Variants in CNTNAP5 observed in about 807,000 individuals in gnomAD.
CNTNAP5 encodes contactin-associated protein-like 5.
CNTNAP5 carries 72 observed loss-of-function variants against 150.2 expected under a neutral mutation model. The observed-to-expected ratio is 0.48, with a 90% CI of 0.40 to 0.58. The LOEUF is 0.58. CNTNAP5 is among the 20% of genes least tolerant of loss of function. CNTNAP5 has a pLI of 0.00. For synonymous variants in CNTNAP5, 672 were observed against 619.8 expected (o/e 1.08, Z -1.25); for missense variants, 1,636 against 1,626.2 (o/e 1.01, Z -0.10).
In CNTNAP5 at chr2:124,131,174, A is replaced by C. The variant is rs553005203; in HGVS notation, c.83-90531A>C. ...CCTGATGAAATAGCTATGCAATCTT[A>C]AGTGCATTATTTAAAGCTGATGGAG... is the stretch of plus-strand genomic sequence containing the variant. On this transcript the variant is annotated intron_variant, in intron 1 of 23. Coordinates refer to ENST00000682447, the MANE Select transcript of CNTNAP5 (RefSeq NM_001367498.1). Among the ~76,000 whole-genome samples the C allele has an allele frequency of 2.0e-4, 31 of 152,280 alleles. 2 individuals are homozygous for C. In the South Asian group the frequency reaches 6.0e-3, roughly 30 times the overall value.
At chr2:124,896,231 A>G (rs2104753285) in intron 21 of CNTNAP5, among the ~76,000 whole-genome samples, 1 of 151,674 alleles carries the variant, frequency 6.6e-6, no homozygotes, top group Non-Finnish European at 1.5e-5. Context: ...AGTAAAGAAA[A>G]TATGTTTATC....
chr2:124,631,404 A>C (rs2105009619), intron 12 of CNTNAP5, among the ~76,000 whole-genome samples: 1 of 152,280 alleles, frequency 6.6e-6, no homozygotes, highest in South Asian at 2.1e-4. Context: ...AGAATAGAGA[A>C]TTCAGAAATG....
chr2:124,710,793 C>A (rs147296215), intron 13 of CNTNAP5, among the ~76,000 whole-genome samples: 301 of 152,268 alleles, frequency 2.0e-3, no homozygotes, highest in African/African-American at 6.9e-3. Context: ...ATGTCTTAAT[C>A]GTTATCCAGC....
chr2:124,335,934 G>A (rs1378113778), intron 3 of CNTNAP5, among the ~76,000 whole-genome samples: 2 of 151,948 alleles, frequency 1.3e-5, no homozygotes, highest in Non-Finnish European at 2.9e-5. Flanking sequence ...ATACAAGAAA[G>A]GACATACATA....
At chr2:124,866,340 G>A (rs894823400) in intron 20 of CNTNAP5, among the ~76,000 whole-genome samples, 1 of 152,144 alleles carries the variant, frequency 6.6e-6, no homozygotes, top group African/African-American at 2.4e-5. Context: ...ATGGAAGGGG[G>A]AAAGCAGCAG....
At chr2:124,844,411 A>G (rs566338775) in intron 19 of CNTNAP5, among the ~76,000 whole-genome samples, 18 of 152,032 alleles carry the variant, frequency 1.2e-4, no homozygotes. Context: ...TTTGGTGACT[A>G]TGGCCTAATA....
intron 2 of CNTNAP5, among the ~76,000 whole-genome samples, chr2:124,223,224 A>T (rs1297320485): frequency 6.6e-6 from 1 of 152,116 alleles, no homozygotes; most frequent in Non-Finnish European, 1.5e-5. Context: ...GTTTATATTC[A>T]TCCCGTTAAC....
chr2:124,215,370 T>C (rs1280063786), intron 1 of CNTNAP5, among the ~76,000 whole-genome samples: 4 of 152,186 alleles, frequency 2.6e-5, no homozygotes, highest in Admixed American at 1.3e-4. Flanking sequence ...TTACTCGAAG[T>C]AGAATCATTT....
chr2:124,036,708 C>T (rs945253169), intron 1 of CNTNAP5, among the ~76,000 whole-genome samples: 1 of 152,148 alleles, frequency 6.6e-6, no homozygotes, highest in African/African-American at 2.4e-5. Flanking sequence ...AACCTACACT[C>T]TGTGCCAAGG....
chr2:124,724,381 C>G (rs557121966), intron 13 of CNTNAP5, among the ~76,000 whole-genome samples: 10 of 152,046 alleles, frequency 6.6e-5, no homozygotes, highest in Non-Finnish European at 1.3e-4. Context: ...AGGGGCATCA[C>G]CCTCCAGGAA....
At chr2:124,398,480 CTTTATTTATTTA>C (rs71394036) in intron 3 of CNTNAP5, among the ~76,000 whole-genome samples, 18,955 of 147,930 alleles carry the variant, frequency 0.13, 1,301 homozygotes, top group East Asian at 0.28. Flanking sequence ...GAAATTTTTA[CTTTATTTATTTA>C]TTTATTTATT....
At chr2:124,290,858 A>G (rs1327893675) in intron 3 of CNTNAP5, among the ~76,000 whole-genome samples, 1 of 151,602 alleles carries the variant, frequency 6.6e-6, no homozygotes, top group Non-Finnish European at 1.5e-5. Context: ...AGCCATGCCA[A>G]GTCTCATCTT....
chr2:124,762,960 C>T (rs931241), intron 14 of CNTNAP5, among the ~76,000 whole-genome samples: 147,023 of 152,140 alleles, frequency 0.97, 71,244 homozygotes, highest in East Asian at 1. Flanking sequence ...TTCCTACATC[C>T]AATTTTTCCT....
chr2:124,466,971 G>A lies in CNTNAP5; in HGVS notation c.919-7768G>A, dbSNP rs915338903. ...ATGATTAAAAACAGGTTTGAAATGC[G>A]GACAAAGGTACACCAATTAAATGTA... On this transcript the variant is annotated intron_variant, in intron 6 of 23. Coordinates refer to ENST00000682447, the MANE Select transcript of CNTNAP5 (RefSeq NM_001367498.1). Among the ~76,000 whole-genome samples the A allele has an allele frequency of 7.2e-5, 11 of 152,158 alleles. No individual in the cohort carries two copies. The East Asian group carries it at 1.2e-3, about 16-fold the overall frequency.
At chr2:124,436,638 T>C (rs1692537332) in intron 5 of CNTNAP5, among the ~76,000 whole-genome samples, 1 of 152,196 alleles carries the variant, frequency 6.6e-6, no homozygotes, top group South Asian at 2.1e-4. Context: ...TGCTGGCTTT[T>C]CTGAAAATAA....
At position 124,900,406 on chromosome 2, in the gene CNTNAP5, G is replaced by A. The variant is rs117515642; in HGVS notation, c.3437-2476G>A. Among the ~76,000 whole-genome samples, 277 of 151,116 alleles carry A rather than the reference G, an allele frequency of 1.8e-3. 11 individuals carry two copies. The East Asian group carries it at 0.051, about 28-fold the overall frequency. Reference sequence around the variant, plus strand: ...TAAGAATCTGAGAAATCATGATCTCGAGCATCATGCAGAGCATATTTTCTC... The same window carrying A: ...TAAGAATCTGAGAAATCATGATCTCAAGCATCATGCAGAGCATATTTTCTC... On this transcript the variant is annotated intron_variant, in intron 21 of 23. Coordinates refer to ENST00000682447, the MANE Select transcript of CNTNAP5 (RefSeq NM_001367498.1).
intron 1 of CNTNAP5, among the ~76,000 whole-genome samples, chr2:124,085,060 T>A (rs1682652526): frequency 6.6e-6 from 1 of 151,416 alleles, no homozygotes; most frequent in African/African-American, 2.4e-5. Flanking sequence ...TAGCTGGGAT[T>A]ACAGGCACCC....
chr2:124,260,447 A>G (rs566811874), intron 3 of CNTNAP5, among the ~76,000 whole-genome samples: 21 of 152,366 alleles, frequency 1.4e-4, no homozygotes, highest in African/African-American at 4.6e-4. Flanking sequence ...CATTCAGGAC[A>G]TAGGAATGGG....
At chr2:124,437,606 A>T (rs1334599154) in intron 5 of CNTNAP5, among the ~76,000 whole-genome samples, 1 of 152,166 alleles carries the variant, frequency 6.6e-6, no homozygotes, top group African/African-American at 2.4e-5. Flanking sequence ...TTAACATTTT[A>T]GTATCTTTTA....
Sources: gnomAD v4.1 joint callset for allele counts (sites outside exome capture counted in the v4.1 genomes callset) on GRCh38, gnomAD v4.1.1 for gene constraint, MANE v1.5 for transcripts, NCBI Gene and HGNC (gene_info 2026-07-23, HGNC 2026-07-21) for gene names.